CCDC68: variants seen among roughly 807,000 people sequenced by gnomAD.
CCDC68 encodes the protein coiled-coil domain-containing protein 68.
Under a neutral mutation model 47.1 loss-of-function variants are expected in CCDC68, and 45 were observed. The ratio of observed to expected loss-of-function variants is 0.96; its 90% confidence interval spans 0.75 to 1.23. CCDC68 has a LOEUF of 1.23. CCDC68 is among the 50% of genes most tolerant of loss of function. The probability of loss-of-function intolerance (pLI) is 0.00; values close to 1 mark genes in which losing one functional copy is unlikely to be tolerated. For missense variants in CCDC68, 353 were observed against 373.6 expected (o/e 0.94, Z 0.45); for synonymous variants, 131 against 129.5 (o/e 1.01, Z -0.08).
At chr18:54,936,124 ATATT>A (rs1410699109) in intron 6 of CCDC68, among the ~76,000 whole-genome samples, 6 of 146,162 alleles carry the variant, frequency 4.1e-5, no homozygotes, top group East Asian at 2.0e-4. Context: ...ATAGATAAAT[ATATT>A]TATTTATATA....
chr18:54,943,409 A>G (rs1278902590), intron 2 of CCDC68, among the ~76,000 whole-genome samples: 2 of 152,172 alleles, frequency 1.3e-5, no homozygotes, highest in Non-Finnish European at 2.9e-5. Context: ...AAGGGTAGGA[A>G]ATATGAATGG....
intron 10 of CCDC68, among the ~76,000 whole-genome samples, chr18:54,911,435 C>T (rs1469844864): frequency 1.3e-5 from 2 of 152,200 alleles, no homozygotes; most frequent in Non-Finnish European, 2.9e-5. Context: ...CTCTTCTTAG[C>T]TCCCAGCATT....
At chr18:54,933,518 C>T (rs1045942689) in intron 7 of CCDC68, among the ~76,000 whole-genome samples, 13 of 152,174 alleles carry the variant, frequency 8.5e-5, no homozygotes, top group African/African-American at 3.1e-4. Flanking sequence ...GCAATTTATT[C>T]GTTTCCCAGA....
At chr18:54,937,710 A>G (rs932127788) in intron 5 of CCDC68, 5 of 328,950 alleles carry the variant, frequency 1.5e-5, no homozygotes, top group Admixed American at 4.6e-5. Flanking sequence ...TTCATCTTGC[A>G]TGACTGAAAT....
At chr18:54,948,472 G>A (rs2044561664) in intron 1 of CCDC68, among the ~76,000 whole-genome samples, 1 of 152,194 alleles carries the variant, frequency 6.6e-6, no homozygotes, top group African/African-American at 2.4e-5. Flanking sequence ...CTCTAGAACT[G>A]AGAGATGATC....
At chr18:54,958,921 G>A (rs1425200362) in intron 1 of CCDC68, among the ~76,000 whole-genome samples, 1 of 152,196 alleles carries the variant, frequency 6.6e-6, no homozygotes, top group East Asian at 1.9e-4. Flanking sequence ...CGAGCGCAGT[G>A]ACCTGTCAAA....
rs115184327 is a variant in CCDC68 at position 54,950,098 on chromosome 18, C to A, written c.-102-4621G>T. Among the ~76,000 whole-genome samples the A allele has an allele frequency of 3.6e-3, 555 of 152,302 alleles. 7 individuals carry two copies. Among genetic ancestry groups the A allele is most frequent in the African/African-American group, 0.013 (526 of 41,568 alleles). ...CTGCTCTATATCCTCTCAGTAAATT[C>A]TTCTTCTACCAAGTCAGCCAGAGTC... On this transcript the variant is annotated intron_variant, in intron 1 of 11. Coordinates refer to ENST00000591504, the MANE Select transcript of CCDC68 (RefSeq NM_025214.3).
Position 54,915,930 on chromosome 18 carries a change from A to AAT in CCDC68, c.873+1981_873+1982dup, listed in dbSNP as rs141546930. On this transcript the variant is annotated intron_variant, in intron 10 of 11. Transcript: ENST00000591504. ...GGCGACAGAGTGAGATCCTGTCTCA[A>AAT]ATATATATATATATATGAAATACAT... 4.2e-4 allele frequency among the ~76,000 whole-genome samples: 63 copies of AAT among 150,114 alleles called. No homozygotes were observed. In the South Asian group the frequency reaches 4.2e-3, roughly 10 times the overall value.
chr18:54,936,286 TA>T (rs1356048199), intron 6 of CCDC68, among the ~76,000 whole-genome samples: 5 of 146,166 alleles, frequency 3.4e-5, no homozygotes, highest in Non-Finnish European at 6.0e-5. Flanking sequence ...TATTTTTAAA[TA>T]ATATATAAAA....
chr18:54,923,151 C>T, intron 8 of CCDC68, among the ~76,000 whole-genome samples: 1 of 152,114 alleles, frequency 6.6e-6, no homozygotes. Flanking sequence ...TGGTCAGACT[C>T]AGGACTTTCC....
intron 5 of CCDC68, chr18:54,937,278 G>A (rs1182032880): frequency 4.6e-6 from 1 of 216,490 alleles, no homozygotes; most frequent in African/African-American, 2.3e-5. Context: ...ACACTTATTT[G>A]CAAGCCTTTT....
intron 8 of CCDC68, among the ~76,000 whole-genome samples, chr18:54,926,941 T>C (rs1452938191): frequency 1.3e-5 from 2 of 152,268 alleles, no homozygotes; most frequent in Non-Finnish European, 2.9e-5. Flanking sequence ...ATTTTACCTG[T>C]GTCAATTACC....
Position 54,903,693 on chromosome 18 carries a change from A to G in CCDC68, c.*665T>C, listed in dbSNP as rs1289094971. 1 of 152,208 alleles carries G rather than the reference A, an allele frequency of 6.6e-6. No homozygotes were observed. The highest frequency in any genetic ancestry group is 1.9e-4 in the East Asian group (1 of 5,198). The allele number at this position is 152,208 out of a possible 1,614,324, so 9.4% of individuals were successfully genotyped here. A position where few individuals can be genotyped will look rare whatever the true frequency, so the allele number is the denominator to read the frequency against. ...GAAACCAATTTTTAATCCCAGAACT[A>G]AGAAGAACAGTCATTCTCTGATGTG... On this transcript the variant is annotated 3_prime_UTR_variant, in exon 12 of 12. Transcript: ENST00000591504.
chr18:54,916,125 C>T (rs912326986), intron 10 of CCDC68, among the ~76,000 whole-genome samples: 1 of 152,058 alleles, frequency 6.6e-6, no homozygotes, highest in African/African-American at 2.4e-5. Context: ...ATAAATTAGC[C>T]AGCTATTACT....
chr18:54,934,712 T>A (rs1248299026), intron 7 of CCDC68, 108 bp downstream of exon 7: 3 of 812,842 alleles, frequency 3.7e-6, no homozygotes, highest in Non-Finnish European at 5.1e-6. Flanking sequence ...TACTTTCACA[T>A]AATATTATCT....
chr18:54,915,270 A>G (rs1257826164), intron 10 of CCDC68, among the ~76,000 whole-genome samples: 1 of 152,252 alleles, frequency 6.6e-6, no homozygotes, highest in Non-Finnish European at 1.5e-5. Flanking sequence ...ACTAGGCAGT[A>G]AGTTCCAGGA....
chr18:54,905,944 T>G (rs952808718), intron 11 of CCDC68, among the ~76,000 whole-genome samples: 1 of 152,202 alleles, frequency 6.6e-6, no homozygotes, highest in Non-Finnish European at 1.5e-5. Context: ...TGGATCTAGG[T>G]TGCGTGCTCC....
intron 7 of CCDC68, among the ~76,000 whole-genome samples, chr18:54,933,837 C>T (rs554833427): frequency 2.0e-5 from 3 of 152,128 alleles, no homozygotes; most frequent in African/African-American, 7.2e-5. Flanking sequence ...GGAGCTTCAC[C>T]AAGACTACAA....
At chr18:54,954,056 CTT>C (rs756335310) in intron 1 of CCDC68, among the ~76,000 whole-genome samples, 3 of 89,900 alleles carry the variant, frequency 3.3e-5, no homozygotes, top group Non-Finnish European at 2.2e-5. Flanking sequence ...TTCTTTCTTT[CTT>C]TTTTTTTTTT....
Sources: allele counts gnomAD v4.1 joint callset (sites outside exome capture counted in the v4.1 genomes callset), GRCh38; gene constraint gnomAD v4.1.1; transcripts MANE v1.5; gene names NCBI Gene and HGNC (gene_info 2026-07-23, HGNC 2026-07-21).